LMBR1: variants seen among roughly 807,000 people sequenced by gnomAD.
LMBR1 encodes the protein limb region 1 protein homolog.
A neutral mutation model predicts 73.9 loss-of-function variants in LMBR1; 52 were observed. The ratio of observed to expected loss-of-function variants is 0.70; its 90% confidence interval spans 0.56 to 0.89. The LOEUF is 0.89. LMBR1 is among the 40% of genes least tolerant of loss of function. The probability of loss-of-function intolerance (pLI) is 0.00; values close to 1 mark genes in which losing one functional copy is unlikely to be tolerated. For synonymous variants in LMBR1, 215 were observed against 209.4 expected, an observed-to-expected ratio of 1.03 and a Z score of -0.23; for missense variants, 539 against 579.8, an observed-to-expected ratio of 0.93 and a Z score of 0.72.
chr7:156,862,468 A>C (rs150164902), intron 1 of LMBR1, among the ~76,000 whole-genome samples: 1 of 151,984 alleles, frequency 6.6e-6, no homozygotes, highest in East Asian at 1.9e-4. Flanking sequence ...TAAAATATAA[A>C]ACTATAAATC....
At chr7:156,816,570 C>T (rs1833952904) in intron 4 of LMBR1, among the ~76,000 whole-genome samples, 1 of 151,926 alleles carries the variant, frequency 6.6e-6, no homozygotes, top group African/African-American at 2.4e-5. Flanking sequence ...CTTTTTTCAA[C>T]CTAGGTAATT....
At chr7:156,702,065 T>G (rs1809863377) in intron 15 of LMBR1, among the ~76,000 whole-genome samples, 2 of 152,222 alleles carry the variant, frequency 1.3e-5, no homozygotes, top group Non-Finnish European at 2.9e-5. Context: ...TCTTTGCTAT[T>G]GTGAATAGTG....
In LMBR1 at chr7:156,891,204, AAAAAAAAATATATATAT is replaced by A. The variant is rs1563643218; in HGVS notation, c.66+1707_66+1723del. The stretch of plus-strand genomic sequence containing the variant: ...AGACTCCATCACAAAAAAAAAAAAA[AAAAAAAAATATATATAT>A]ATATATATATATACACACACACACA... On this transcript the variant is annotated intron_variant, in intron 1 of 16. Coordinates refer to ENST00000353442, the MANE Select transcript of LMBR1 (RefSeq NM_022458.4). Among the ~76,000 whole-genome samples, 3 of 98,166 alleles carry A rather than the reference AAAAAAAAATATATATAT, an allele frequency of 3.1e-5. No individual in the cohort carries two copies. In the Admixed American group the frequency reaches 3.4e-4, roughly 11 times the overall value. The allele number at this position is 98,166 out of a possible 152,430, so 64.4% of individuals were successfully genotyped here. A position where few individuals can be genotyped will look rare whatever the true frequency, so the allele number is the denominator to read the frequency against.
intron 14 of LMBR1, among the ~76,000 whole-genome samples, chr7:156,724,497 C>T (rs1013167836): frequency 1.3e-5 from 2 of 151,962 alleles, no homozygotes; most frequent in African/African-American, 4.8e-5. Flanking sequence ...GCCTGTCAAG[C>T]AAAAAATAAT....
intron 5 of LMBR1, among the ~76,000 whole-genome samples, chr7:156,765,910 G>C (rs1330309133): frequency 6.6e-6 from 1 of 152,076 alleles, no homozygotes; most frequent in African/African-American, 2.4e-5. Flanking sequence ...CACAGTGTCA[G>C]CTCCTTGGAA....
At chr7:156,881,906 G>T (rs1170502683) in intron 1 of LMBR1, among the ~76,000 whole-genome samples, 1 of 151,852 alleles carries the variant, frequency 6.6e-6, no homozygotes, top group Admixed American at 6.6e-5. Context: ...AGCTGCTATG[G>T]AAAATATGTG....
chr7:156,893,006 CCGCCGCCG>C lies in LMBR1; in HGVS notation c.-21_-14del, dbSNP rs1208637985. Reference sequence around the variant, plus strand: ...CCTGCCCTTCCATCCTCCTTCATGCCCGCCGCCGCGCCGCCCGCGTCCGCGTGCTCCGC... The same window carrying C: ...CCTGCCCTTCCATCCTCCTTCATGCCCGCCGCCCGCGTCCGCGTGCTCCGC... On this transcript the variant is annotated 5_prime_UTR_variant, in exon 1 of 17. An upstream open reading frame in the 5' UTR loses its in-frame stop. Coordinates refer to ENST00000353442, the MANE Select transcript of LMBR1 (RefSeq NM_022458.4). 2.0e-6 allele frequency: 3 copies of C among 1,514,072 alleles called. No homozygotes were observed. The highest frequency in any genetic ancestry group is 2.1e-5 in the Admixed American group (1 of 48,734). 93.8% of individuals were successfully genotyped at this position (1,514,072 alleles called of 1,614,324 possible).
At chr7:156,876,688 C>T (rs1800228635) in intron 1 of LMBR1, among the ~76,000 whole-genome samples, 1 of 152,132 alleles carries the variant, frequency 6.6e-6, no homozygotes, top group Non-Finnish European at 1.5e-5. Context: ...CAGACAAATA[C>T]ATGGAAATTA....
chr7:156,672,302 G>A (rs1450387787), intron 4 of LMBR1, among the ~76,000 whole-genome samples: 1 of 152,118 alleles, frequency 6.6e-6, no homozygotes, highest in Non-Finnish European at 1.5e-5. Flanking sequence ...GACGACGACA[G>A]GTGCAAAACC....
At chr7:156,850,730 A>G (rs1796119852) in intron 1 of LMBR1, among the ~76,000 whole-genome samples, 1 of 152,240 alleles carries the variant, frequency 6.6e-6, no homozygotes, top group South Asian at 2.1e-4. Context: ...GTATACCCAC[A>G]CAAGGATGTA....
intron 1 of LMBR1, among the ~76,000 whole-genome samples, chr7:156,874,830 C>G (rs1799922454): frequency 6.6e-6 from 1 of 152,196 alleles, no homozygotes; most frequent in Non-Finnish European, 1.5e-5. Context: ...TCTGACATAG[C>G]CTACCCAAAT....
chr7:156,819,954 G>A (rs1834498093), intron 4 of LMBR1, among the ~76,000 whole-genome samples: 1 of 152,152 alleles, frequency 6.6e-6, no homozygotes, highest in Admixed American at 6.5e-5. Flanking sequence ...TACTAGAACT[G>A]CATCTACCTG....
chr7:156,756,367 C>G, intron 9 of LMBR1, 26 bp downstream of exon 9: 1 of 1,052,158 alleles, frequency 9.5e-7, no homozygotes, highest in Admixed American at 1.9e-5. Flanking sequence ...TTTTTATCCC[C>G]GTCTAAATAT....
intron 9 of LMBR1, among the ~76,000 whole-genome samples, chr7:156,746,543 A>AT (rs1429836489): frequency 6.6e-6 from 1 of 152,198 alleles, no homozygotes; most frequent in African/African-American, 2.4e-5. Context: ...TGCAGGTGAT[A>AT]TAACACTAGG....
At chr7:156,676,160 TG>T, downstream of LMBR1, 1 of 1,125,982 alleles carries the variant, frequency 8.9e-7, no homozygotes, top group Non-Finnish European at 1.2e-6. Context: ...TTTGAAATTC[TG>T]GAAGTTCCTG....
chr7:156,845,740 C>A (rs544617330), intron 1 of LMBR1, among the ~76,000 whole-genome samples: 2 of 152,042 alleles, frequency 1.3e-5, no homozygotes, highest in South Asian at 4.1e-4. Flanking sequence ...GCCTTGAACT[C>A]CTGGGCTCAA....
chr7:156,675,576 G>A, downstream of LMBR1: 1 of 754,386 alleles, frequency 1.3e-6, no homozygotes, highest in East Asian at 2.5e-5. Context: ...TCCCTAAAAA[G>A]TATTATTCGA....
At chr7:156,855,327 T>C (rs1282146684) in intron 1 of LMBR1, among the ~76,000 whole-genome samples, 2 of 152,142 alleles carry the variant, frequency 1.3e-5, no homozygotes, top group East Asian at 1.9e-4. Context: ...ACCAGAGGCA[T>C]AGGCTCAATA....
At chr7:156,795,099 C>T (rs1257153687) in intron 5 of LMBR1, among the ~76,000 whole-genome samples, 1 of 152,148 alleles carries the variant, frequency 6.6e-6, no homozygotes, top group East Asian at 1.9e-4. Flanking sequence ...AAGTACCGGC[C>T]ATTCCCTCAA....
Sources: gnomAD v4.1 joint callset for allele counts (sites outside exome capture counted in the v4.1 genomes callset) on GRCh38, gnomAD v4.1.1 for gene constraint, MANE v1.5 for transcripts, NCBI Gene and HGNC (gene_info 2026-07-23, HGNC 2026-07-21) for gene names.